The following OTUD7A variants were observed in gnomAD, a reference collection of about 807,000 sequenced individuals.
The protein encoded by OTUD7A is OTU deubiquitinase 7A.
In OTUD7A, 12 loss-of-function variants were observed where a neutral mutation model predicts 65.7. That is an observed-to-expected ratio of 0.18 (90% CI 0.12 to 0.30). The LOEUF (loss-of-function observed/expected upper bound fraction) is 0.30, where lower values mean the gene tolerates loss of function less well. Ranked by LOEUF, OTUD7A falls within the 10% of genes least tolerant of loss-of-function variation. The pLI, the probability that OTUD7A is intolerant of heterozygous loss-of-function variation, is 1.00. For synonymous variants in OTUD7A, 641 were observed against 586.3 expected (o/e 1.09, Z -1.35); for missense variants, 1,148 against 1,304.8 (o/e 0.88, Z 1.85).
intron 3 of OTUD7A, among the ~76,000 whole-genome samples, chr15:31,591,439 G>A (rs147137578): frequency 1.5e-3 from 222 of 152,258 alleles, no homozygotes; most frequent in African/African-American, 5.0e-3. Context: ...ACTGGGCAAC[G>A]CACATTGCCC....
At chr15:31,813,533 G>A (rs1329180255) in intron 1 of OTUD7A, among the ~76,000 whole-genome samples, 1 of 152,172 alleles carries the variant, frequency 6.6e-6, no homozygotes, top group African/African-American at 2.4e-5. Flanking sequence ...AGGGGTAAAG[G>A]AGGACATTCT....
intron 3 of OTUD7A, among the ~76,000 whole-genome samples, chr15:31,631,480 C>T (rs1281525121): frequency 1.3e-5 from 2 of 152,156 alleles, no homozygotes; most frequent in Non-Finnish European, 2.9e-5. Context: ...ATGGGTTTCC[C>T]TTTGTGGGTT....
intron 1 of OTUD7A, among the ~76,000 whole-genome samples, chr15:31,728,716 C>A (rs983227692): frequency 1.3e-5 from 2 of 152,238 alleles, no homozygotes; most frequent in African/African-American, 2.4e-5. Context: ...ATTATCTCAA[C>A]GAAGTCCCAC....
intron 1 of OTUD7A, among the ~76,000 whole-genome samples, chr15:31,771,190 A>G (rs1333333239): frequency 6.6e-6 from 1 of 152,230 alleles, no homozygotes; most frequent in African/African-American, 2.4e-5. Flanking sequence ...CTTGAGTTTA[A>G]CAAGGTCATA....
At chr15:31,496,447 C>T (rs1313468896) in intron 10 of OTUD7A, among the ~76,000 whole-genome samples, 2 of 152,158 alleles carry the variant, frequency 1.3e-5, no homozygotes, top group Non-Finnish European at 1.5e-5. Flanking sequence ...TGGTCTTGAT[C>T]TCCTGACCTC....
intron 5 of OTUD7A, among the ~76,000 whole-genome samples, chr15:31,553,613 C>T (rs572475007): frequency 1.0e-3 from 159 of 151,930 alleles, no homozygotes; most frequent in African/African-American, 3.7e-3. Flanking sequence ...TCTCCTCAGG[C>T]AACATTATCT....
intron 3 of OTUD7A, among the ~76,000 whole-genome samples, chr15:31,629,731 T>C (rs2141247644): frequency 6.6e-6 from 1 of 152,302 alleles, no homozygotes; most frequent in Non-Finnish European, 1.5e-5. Context: ...CCTGGACGTT[T>C]TTGGTTGGTA....
chr15:31,485,877 G>T (rs2041229587), intron 12 of OTUD7A, among the ~76,000 whole-genome samples: 2 of 152,190 alleles, frequency 1.3e-5, no homozygotes, highest in Admixed American at 1.3e-4. Flanking sequence ...CAAAGCAAAG[G>T]TGGGCAGAAC....
intron 1 of OTUD7A, among the ~76,000 whole-genome samples, chr15:31,729,798 C>G (rs1378387712): frequency 1.3e-5 from 2 of 152,168 alleles, no homozygotes; most frequent in Non-Finnish European, 2.9e-5. Context: ...TGCTCGTTGT[C>G]AGATTTCTTA....
intron 1 of OTUD7A, among the ~76,000 whole-genome samples, chr15:31,741,782 T>C (rs962699361): frequency 1.3e-5 from 2 of 151,242 alleles, no homozygotes; most frequent in African/African-American, 4.9e-5. Context: ...ATAGGAAAAA[T>C]AGCAAAATAA....
intron 1 of OTUD7A, among the ~76,000 whole-genome samples, chr15:31,809,069 AG>A (rs1391166425): frequency 6.6e-6 from 1 of 152,198 alleles, no homozygotes; most frequent in Admixed American, 6.5e-5. Context: ...GAGAGGAAGC[AG>A]GCATAAGCAC....
chr15:31,506,349 GTTTAGT>G (rs774256092), intron 8 of OTUD7A, among the ~76,000 whole-genome samples: 17 of 151,992 alleles, frequency 1.1e-4, no homozygotes, highest in Non-Finnish European at 1.9e-4. Flanking sequence ...AACAGATACA[GTTTAGT>G]TTACATTTTT....
chr15:31,849,902 C>G (rs6493992), intron 1 of OTUD7A, among the ~76,000 whole-genome samples: 1 of 151,902 alleles, frequency 6.6e-6, no homozygotes, highest in Non-Finnish European at 1.5e-5. Context: ...CAGGAAACAA[C>G]AGGTCCTGGA....
intron 1 of OTUD7A, among the ~76,000 whole-genome samples, chr15:31,817,257 C>T (rs1268242170): frequency 7.0e-6 from 1 of 142,208 alleles, no homozygotes; most frequent in Admixed American, 7.8e-5. Flanking sequence ...GTTTGTATTA[C>T]ACCACCCTAG....
At chr15:31,866,399 A>G (rs1474626888) in intron 1 of OTUD7A, among the ~76,000 whole-genome samples, 2 of 152,256 alleles carry the variant, frequency 1.3e-5, no homozygotes, top group African/African-American at 2.4e-5. Flanking sequence ...CAACACAGGC[A>G]AGTAATAAGG....
intron 10 of OTUD7A, among the ~76,000 whole-genome samples, chr15:31,493,574 T>G (rs1385061853): frequency 1.3e-5 from 2 of 152,230 alleles, no homozygotes; most frequent in Non-Finnish European, 2.9e-5. Flanking sequence ...GAGTATATAT[T>G]ATTTTCAAAT....
At chr15:31,797,134 G>A (rs1895984528) in intron 1 of OTUD7A, among the ~76,000 whole-genome samples, 1 of 152,202 alleles carries the variant, frequency 6.6e-6, no homozygotes, top group African/African-American at 2.4e-5. Context: ...AGCTGCCCTA[G>A]TGGATGATGG....
At chr15:31,818,416 T>G (rs946587562) in intron 1 of OTUD7A, among the ~76,000 whole-genome samples, 2 of 152,198 alleles carry the variant, frequency 1.3e-5, no homozygotes, top group African/African-American at 4.8e-5. Context: ...CACTAACATT[T>G]TCAACAAAAG....
chr15:31,687,989 G>A (rs1330150469), intron 1 of OTUD7A, among the ~76,000 whole-genome samples: 1 of 152,176 alleles, frequency 6.6e-6, no homozygotes, highest in African/African-American at 2.4e-5. Flanking sequence ...GTCAAGGCAG[G>A]TGGATCACCT....
Sources: gnomAD v4.1 joint callset for allele counts (sites outside exome capture counted in the v4.1 genomes callset) on GRCh38, gnomAD v4.1.1 for gene constraint, MANE v1.5 for transcripts, NCBI Gene and HGNC (gene_info 2026-07-23, HGNC 2026-07-21) for gene names.